Variants in ABCA9 observed in about 807,000 individuals in gnomAD.
ABCA9 encodes ATP binding cassette subfamily A member 9.
In ABCA9, 183 loss-of-function variants were observed where a neutral mutation model predicts 205.3. The ratio of observed to expected loss-of-function variants is 0.89; its 90% CI spans 0.79 to 1.01. ABCA9 has a LOEUF of 1.01. Among genes scored for constraint, ABCA9 ranks in the 50% least tolerant of loss-of-function variants. The pLI is 0.00. For synonymous variants in ABCA9, 651 were observed against 683.3 expected (o/e 0.95, Z 0.74); for missense variants, 1,805 against 1,912.4 (o/e 0.94, Z 1.05).
chr17:69,026,759 T>C (rs1001239), intron 15 of ABCA9, among the ~76,000 whole-genome samples: 14,389 of 152,222 alleles, frequency 0.095, 1,461 homozygotes, highest in African/African-American at 0.25. Context: ...GAAAGTGTGA[T>C]ATGTATTTTA....
intron 31 of ABCA9, 33 bp from the exon 32 acceptor site, chr17:68,986,357 C>T: frequency 6.3e-7 from 1 of 1,581,978 alleles, no homozygotes; most frequent in Non-Finnish European, 8.6e-7. Flanking sequence ...TAGATTCTAT[C>T]CCAAATGTCA....
chr17:69,031,995 T>C, intron 10 of ABCA9, 113 bp downstream of exon 10: 2 of 919,174 alleles, frequency 2.2e-6, no homozygotes, highest in Non-Finnish European at 1.7e-6. Context: ...GCAGGCTGGC[T>C]GTAGGTGGGT....
intron 22 of ABCA9, among the ~76,000 whole-genome samples, chr17:69,013,468 GA>G (rs1355902807): frequency 2.6e-5 from 4 of 152,040 alleles, no homozygotes; most frequent in Non-Finnish European, 1.5e-5. Context: ...GGGTGCCAAA[GA>G]CTACATCCCC....
intron 10 of ABCA9, among the ~76,000 whole-genome samples, chr17:69,030,716 G>A (rs555204184): frequency 1.7e-4 from 26 of 151,964 alleles, no homozygotes; most frequent in Non-Finnish European, 3.2e-4. Flanking sequence ...ACAATAATAG[G>A]TATCAGCTTG....
At chr17:69,059,866 C>G (rs899048819) in intron 1 of ABCA9, among the ~76,000 whole-genome samples, 1 of 152,036 alleles carries the variant, frequency 6.6e-6, no homozygotes, top group African/African-American at 2.4e-5. Flanking sequence ...AAGAAATTCA[C>G]CAGTGATGCA....
At chr17:68,988,343 AT>A (rs768034642) in intron 31 of ABCA9, among the ~76,000 whole-genome samples, 9 of 151,000 alleles carry the variant, frequency 6.0e-5, no homozygotes, top group South Asian at 2.1e-4. Context: ...ATAATTATCC[AT>A]TTTTTTTTCA....
intron 37 of ABCA9, among the ~76,000 whole-genome samples, chr17:68,978,505 G>A (rs2143918764): frequency 6.6e-6 from 1 of 152,282 alleles, no homozygotes; most frequent in South Asian, 2.1e-4. Context: ...ATTTGATCCT[G>A]TCATTAGGAT....
At chr17:69,020,805 A>C (rs1328404865) in intron 18 of ABCA9, 5 of 487,100 alleles carry the variant, frequency 1.0e-5, no homozygotes, top group Non-Finnish European at 1.8e-5. Context: ...TCTGATTTTA[A>C]ACGTCCTCTG....
At position 69,021,780 on chromosome 17, in the gene ABCA9, A is replaced by AAC. The variant is rs747214799; in HGVS notation, c.2361_2362dup (p.Phe788CysfsTer3). 6.3e-7 allele frequency: 1 copy of AAC among 1,594,610 alleles called. No individual in the cohort carries two copies. The highest frequency in any genetic ancestry group is 1.3e-5 in the African/African-American group (1 of 74,358). On this transcript the variant is annotated frameshift_variant, in exon 18 of 39. Coordinates refer to ENST00000340001, the MANE Select transcript of ABCA9 (RefSeq NM_080283.4). LOFTEE classifies it high-confidence loss of function. ...AGTTGATTTTCCTTCTAATTTCAGA[A>AAC]ACACCTCATTCAAAGTTGTTATGGA...
At chr17:68,999,282 C>G (rs1348604698) in intron 25 of ABCA9, among the ~76,000 whole-genome samples, 1 of 115,750 alleles carries the variant, frequency 8.6e-6, no homozygotes, top group Non-Finnish European at 1.8e-5. Context: ...CCCCCTCCCC[C>G]CACCCCACAA....
At position 69,016,282 on chromosome 17, in the gene ABCA9, T is replaced by G; in HGVS notation, c.3010A>C (p.Ile1004Leu). The change falls in exon 22 of 39, where the codon ATT (isoleucine) becomes CTT (leucine). Residue 1004 changes from isoleucine (I) to leucine (L), a missense_variant. Coordinates refer to ENST00000340001, the MANE Select transcript of ABCA9 (RefSeq NM_080283.4). ...LLGIFNSSEHIQTDRSTFFEE... is the reference protein window; with the variant it reads ...LLGIFNSSEHLQTDRSTFFEE... ...AAAAATGTGCTTCTGTCAGTCTGAA[T>G]GTGTTCTGACGAATTAAAAATTCCA... The G allele has an allele frequency of 1.3e-6, 2 of 1,594,776 alleles. No individual in the cohort carries two copies. Among genetic ancestry groups the G allele is most frequent in the Non-Finnish European group, 1.7e-6 (2 of 1,172,894 alleles).
chr17:69,017,926 T>A, intron 20 of ABCA9, 137 bp from the exon 21 acceptor site: 1 of 937,220 alleles, frequency 1.1e-6, no homozygotes, highest in Non-Finnish European at 1.6e-6. Context: ...GCAGAATTGA[T>A]GTTCTGGTAC....
chr17:68,995,180 C>T (rs1477510942), intron 26 of ABCA9, among the ~76,000 whole-genome samples: 1 of 152,138 alleles, frequency 6.6e-6, no homozygotes, highest in Non-Finnish European at 1.5e-5. Context: ...TCACTCCCTC[C>T]TTCTTGAAAT....
intron 9 of ABCA9, 63 bp downstream of exon 9, chr17:69,033,663 G>A: frequency 7.4e-7 from 1 of 1,359,716 alleles, no homozygotes; most frequent in South Asian, 1.4e-5. Flanking sequence ...GTACATTGTA[G>A]AGTTGTTTTA....
chr17:69,031,182 A>G (rs1420734491), intron 10 of ABCA9, among the ~76,000 whole-genome samples: 3 of 152,120 alleles, frequency 2.0e-5, no homozygotes, highest in Non-Finnish European at 2.9e-5. Flanking sequence ...TCCTTGCCCA[A>G]TGGATAAATT....
rs754683913 is a variant in ABCA9, at chr17:69,027,834, G to C, written c.1616-19C>G. On this transcript the variant is annotated intron_variant, in intron 12 of 38. Coordinates refer to ENST00000340001, the MANE Select transcript of ABCA9 (RefSeq NM_080283.4). ...ACTGAACCTGAAAGCAGAAGGCAGA[G>C]AGTGACCATCAGGAAAATGTGTCAT... The C allele has an allele frequency of 6.4e-7, 1 of 1,565,694 alleles. No homozygotes were observed. Among genetic ancestry groups the C allele is most frequent in the Non-Finnish European group, 8.7e-7 (1 of 1,152,626 alleles).
At chr17:69,026,507 T>G (rs1255914637) in intron 15 of ABCA9, 40 bp from the exon 16 acceptor site, 2 of 1,512,092 alleles carry the variant, frequency 1.3e-6, no homozygotes, top group South Asian at 1.1e-5. Context: ...CATGAAGGAC[T>G]TATTTCTTTA....
chr17:69,042,146 T>C (rs2079251485), intron 6 of ABCA9, among the ~76,000 whole-genome samples: 1 of 150,480 alleles, frequency 6.6e-6, no homozygotes, highest in Non-Finnish European at 1.5e-5. Context: ...TGCCATTAAT[T>C]GACAATTCAA....
At chr17:69,050,661 T>C (rs1401572277) in intron 2 of ABCA9, among the ~76,000 whole-genome samples, 1 of 152,196 alleles carries the variant, frequency 6.6e-6, no homozygotes, top group African/African-American at 2.4e-5. Flanking sequence ...GATTTTGGAT[T>C]CCCTGCTTCT....
Sources: allele counts gnomAD v4.1 joint callset (sites outside exome capture counted in the v4.1 genomes callset), GRCh38; gene constraint gnomAD v4.1.1; transcripts MANE v1.5; gene names NCBI Gene and HGNC (gene_info 2026-07-23, HGNC 2026-07-21).